Variants in AKT3 observed in about 807,000 individuals in gnomAD.
The protein encoded by AKT3 is RAC-gamma serine/threonine-protein kinase.
Under a neutral mutation model 65.3 loss-of-function variants are expected in AKT3, and 15 were observed. The ratio of observed to expected loss-of-function variants is 0.23; its 90% CI spans 0.15 to 0.35. The LOEUF (loss-of-function observed/expected upper bound fraction) is 0.35. AKT3 is among the 10% of genes least tolerant of loss of function. The probability of loss-of-function intolerance (pLI) is 1.00; values close to 1 mark genes in which losing one functional copy is unlikely to be tolerated. For synonymous variants in AKT3, 206 were observed against 183.8 expected (o/e 1.12, Z -0.98); for missense variants, 243 against 576.5 (o/e 0.42, Z 5.92).
chr1:243,588,419 T>C (rs1380004120), intron 8 of AKT3, among the ~76,000 whole-genome samples: 1 of 152,188 alleles, frequency 6.6e-6, no homozygotes, highest in Non-Finnish European at 1.5e-5. Context: ...AACCTGAACT[T>C]ACACGAACAA....
At chr1:243,691,795 G>A (rs779082559) in intron 3 of AKT3, among the ~76,000 whole-genome samples, 3 of 152,178 alleles carry the variant, frequency 2.0e-5, no homozygotes, top group Non-Finnish European at 4.4e-5. Context: ...TAATGCTCAG[G>A]AGAGAGGCCT....
At chr1:243,788,733 G>A (rs912242951) in intron 2 of AKT3, 1 of 152,582 alleles carries the variant, frequency 6.6e-6, no homozygotes, top group African/African-American at 2.4e-5. Context: ...CCTTCAGCAA[G>A]TCATAAACTT....
At chr1:243,808,677 A>G (rs371226708) in intron 2 of AKT3, among the ~76,000 whole-genome samples, 11 of 152,218 alleles carry the variant, frequency 7.2e-5, no homozygotes, top group South Asian at 2.1e-4. Context: ...GAAATACAGA[A>G]AACGCCACAA....
chr1:243,842,059 A>C (rs576441515), intron 2 of AKT3, among the ~76,000 whole-genome samples: 1 of 152,308 alleles, frequency 6.6e-6, no homozygotes, highest in African/African-American at 2.4e-5. Flanking sequence ...TAATGAAAAT[A>C]ACCACTATAT....
At chr1:243,633,850 TAAAC>T (rs1235693507) in intron 6 of AKT3, among the ~76,000 whole-genome samples, 1 of 152,092 alleles carries the variant, frequency 6.6e-6, no homozygotes, top group Non-Finnish European at 1.5e-5. Context: ...GAAAGTCGAT[TAAAC>T]AAACAATAAG....
chr1:243,739,336 A>T (rs552364777), intron 2 of AKT3, among the ~76,000 whole-genome samples: 3 of 152,308 alleles, frequency 2.0e-5, no homozygotes, highest in African/African-American at 7.2e-5. Context: ...TTGAACTCAA[A>T]ATCCAGTGTG....
intron 2 of AKT3, among the ~76,000 whole-genome samples, chr1:243,700,113 T>C (rs1314471440): frequency 6.6e-6 from 1 of 152,172 alleles, no homozygotes; most frequent in African/African-American, 2.4e-5. Context: ...TCCTAGGAAA[T>C]ACAGCTCCTA....
chr1:243,849,859 T>A (rs1452290406), intron 1 of AKT3, among the ~76,000 whole-genome samples, 181 bp downstream of exon 1: 2 of 150,852 alleles, frequency 1.3e-5, no homozygotes, highest in Admixed American at 6.6e-5. Context: ...ACCCGAAGCC[T>A]CCGGTGACCC....
At chr1:243,630,620 G>A (rs1325298503) in intron 6 of AKT3, among the ~76,000 whole-genome samples, 1 of 151,972 alleles carries the variant, frequency 6.6e-6, no homozygotes, top group Non-Finnish European at 1.5e-5. Flanking sequence ...TTGCAACCCT[G>A]GTGGCTCCAT....
rs547253306 is a variant in AKT3 at position 243,766,259 on chromosome 1, T to C, written c.47-70543A>G. On this transcript the variant is annotated intron_variant, in intron 2 of 13. Transcript: ENST00000673466. ...TGGTGAGGAGGGGCATCCATTCATA[T>C]TCAATAAACATTTACTAAGGCCCTA... Among the ~76,000 whole-genome samples the C allele has an allele frequency of 7.9e-5, 12 of 152,324 alleles. No homozygotes were observed. In the South Asian group the frequency reaches 2.5e-3, roughly 32 times the overall value.
chr1:243,697,866 C>T (rs1685158906), intron 2 of AKT3, among the ~76,000 whole-genome samples: 1 of 151,780 alleles, frequency 6.6e-6, no homozygotes, highest in Non-Finnish European at 1.5e-5. Flanking sequence ...AAGCTGGTGC[C>T]CACCACTTAA....
At chr1:243,839,712 A>G (rs968135656) in intron 2 of AKT3, among the ~76,000 whole-genome samples, 8 of 152,126 alleles carry the variant, frequency 5.3e-5, no homozygotes, top group African/African-American at 1.9e-4. Context: ...ACTCACATTA[A>G]AAGTACAAAT....
chr1:243,676,162 G>A (rs1363638760), intron 3 of AKT3, among the ~76,000 whole-genome samples: 1 of 152,140 alleles, frequency 6.6e-6, no homozygotes, highest in Non-Finnish European at 1.5e-5. Flanking sequence ...TGAAGTGAAC[G>A]GGAGGTGATA....
intron 10 of AKT3, among the ~76,000 whole-genome samples, chr1:243,554,768 GT>G (rs1195392984): frequency 4.0e-5 from 6 of 151,754 alleles, no homozygotes; most frequent in Admixed American, 6.6e-5. Flanking sequence ...GGAGCCAAAT[GT>G]GGTTTTTAAC....
chr1:243,509,634 C>G (rs1669896086), intron 13 of AKT3, among the ~76,000 whole-genome samples: 1 of 152,192 alleles, frequency 6.6e-6, no homozygotes, highest in South Asian at 2.1e-4. Flanking sequence ...CACTACACCA[C>G]CCCTGCAGCC....
At chr1:243,705,695 AT>A (rs1685752891) in intron 2 of AKT3, among the ~76,000 whole-genome samples, 1 of 152,202 alleles carries the variant, frequency 6.6e-6, no homozygotes, top group Non-Finnish European at 1.5e-5. Context: ...CATCCTGGCA[AT>A]TTAATGAAGA....
At chr1:243,646,715 T>C (rs557057031) in intron 4 of AKT3, among the ~76,000 whole-genome samples, 1 of 152,246 alleles carries the variant, frequency 6.6e-6, no homozygotes, top group East Asian at 1.9e-4. Flanking sequence ...GTGTTTTGCT[T>C]AGCTATTTTA....
chr1:243,748,992 T>C (rs950488326), intron 2 of AKT3, among the ~76,000 whole-genome samples: 3 of 152,184 alleles, frequency 2.0e-5, no homozygotes, highest in African/African-American at 7.2e-5. Flanking sequence ...ATGAATACTT[T>C]AATATTTTAA....
intron 2 of AKT3, among the ~76,000 whole-genome samples, chr1:243,747,244 C>T (rs1370100746): frequency 6.6e-6 from 1 of 151,902 alleles, no homozygotes; most frequent in Non-Finnish European, 1.5e-5. Context: ...TTATTTTCAC[C>T]GTAAAACTGC....
Sources: gnomAD v4.1 joint callset for allele counts (sites outside exome capture counted in the v4.1 genomes callset) on GRCh38, gnomAD v4.1.1 for gene constraint, MANE v1.5 for transcripts, NCBI Gene and HGNC (gene_info 2026-07-23, HGNC 2026-07-21) for gene names.